Variants in ATP8B1 observed in about 807,000 individuals in gnomAD.
ATP8B1 encodes the protein ATPase phospholipid transporting 8B1.
A neutral mutation model predicts 149.9 loss-of-function variants in ATP8B1; 80 were observed. The observed-to-expected ratio is 0.53, with a 90% CI of 0.45 to 0.64. ATP8B1 has a LOEUF of 0.64. Ranked by LOEUF, ATP8B1 falls within the 30% of genes least tolerant of loss-of-function variation. The pLI, the probability that ATP8B1 is intolerant of heterozygous loss-of-function variation, is 0.00. For synonymous variants in ATP8B1, 536 were observed against 562.8 expected (o/e 0.95, Z 0.67); for missense variants, 1,247 against 1,552.6 (o/e 0.80, Z 3.31).
intron 2 of ATP8B1, among the ~76,000 whole-genome samples, chr18:57,716,360 A>G (rs902244824): frequency 6.6e-6 from 1 of 152,044 alleles, no homozygotes; most frequent in Non-Finnish European, 1.5e-5. Flanking sequence ...TCAATATAAC[A>G]TCGAATGTAA....
chr18:57,656,248 G>A (rs1209291063), intron 22 of ATP8B1, among the ~76,000 whole-genome samples: 3 of 152,086 alleles, frequency 2.0e-5, no homozygotes, highest in African/African-American at 7.2e-5. Flanking sequence ...TGTTTCCTGT[G>A]CTAAACCCTG....
intron 1 of ATP8B1, among the ~76,000 whole-genome samples, chr18:57,738,635 TA>T (rs113950108): frequency 1.8e-3 from 1 of 548 alleles, no homozygotes; most frequent in African/African-American, 3.0e-3. Flanking sequence ...AATAAATAAA[TA>T]AAATAAAATA....
chr18:57,694,626 T>A lies in ATP8B1; in HGVS notation c.985A>T (p.Lys329Ter). 6.3e-7 allele frequency: 1 copy of A among 1,595,646 alleles called. No homozygotes were observed. Among genetic ancestry groups the A allele is most frequent in the Non-Finnish European group, 8.6e-7 (1 of 1,163,336 alleles). ...ATCAAGTAATCAATTTTAGTTCTTT[T>A]AAATCTGGTTTTCCCACTATTCTTC... The part of the protein sequence containing the change: ...IMKNSGKTRF[K>*]RTKIDYLMNY... Residue 329 changes from lysine (K) to a stop codon, truncating the protein, a stop_gained, in exon 11 of 28, where the codon AAA becomes TAA. Transcript: ENST00000648908. LOFTEE classifies it high-confidence loss of function.
rs560380246 is a variant in ATP8B1, at chr18:57,761,688, C to G, written c.-25-29856G>C. ...TAATGGACTAGGCCAGGTACAGTGGCTCACGTCTGTAATCCCAGCACTTTG... is the reference window on the plus strand; with the variant it reads ...TAATGGACTAGGCCAGGTACAGTGGGTCACGTCTGTAATCCCAGCACTTTG... On this transcript the variant is annotated intron_variant, in intron 1 of 27. Transcript: ENST00000648908. Among the ~76,000 whole-genome samples the G allele has an allele frequency of 7.2e-4, 109 of 150,912 alleles. No homozygotes were observed. The Middle Eastern group carries it at 0.01, about 14-fold the overall frequency.
intron 1 of ATP8B1, among the ~76,000 whole-genome samples, chr18:57,752,811 C>T (rs1438117932): frequency 6.6e-6 from 1 of 152,118 alleles, no homozygotes; most frequent in Non-Finnish European, 1.5e-5. Context: ...TCATTTTATT[C>T]TCTGCAATAG....
At chr18:57,711,997 G>T (rs901411084) in intron 2 of ATP8B1, among the ~76,000 whole-genome samples, 8 of 151,350 alleles carry the variant, frequency 5.3e-5, no homozygotes, top group Non-Finnish European at 2.9e-5. Flanking sequence ...TCATTTACAT[G>T]TATTACTGTT....
chr18:57,646,661 CTAAGT>C lies in ATP8B1; in HGVS notation c.*1822_*1826del, dbSNP rs1336102702. ...TCTGAAACTAACAGAATTACACAAGCTAAGTTTTCTGTAAAAAAAGAAAAAACTTA... is the reference window on the plus strand; with the variant it reads ...TCTGAAACTAACAGAATTACACAAGCTTTCTGTAAAAAAAGAAAAAACTTA... On this transcript the variant is annotated 3_prime_UTR_variant, in exon 28 of 28. Coordinates refer to ENST00000648908, the MANE Select transcript of ATP8B1 (RefSeq NM_001374385.1). 2.0e-5 allele frequency: 3 copies of C among 152,504 alleles called. No individual in the cohort carries two copies. The highest frequency in any genetic ancestry group is 6.5e-5 in the Admixed American group (1 of 15,268). The allele number at this position is 152,504 out of a possible 1,614,324, so 9.4% of individuals were successfully genotyped here. A position where few individuals can be genotyped will look rare whatever the true frequency, so the allele number is the denominator to read the frequency against.
At chr18:57,678,015 T>C (rs1449742480) in intron 15 of ATP8B1, among the ~76,000 whole-genome samples, 1 of 152,132 alleles carries the variant, frequency 6.6e-6, no homozygotes, top group Non-Finnish European at 1.5e-5. Flanking sequence ...CTAACAGAGA[T>C]GGGAAGAACG....
chr18:57,711,772 T>C (rs1304357855), intron 2 of ATP8B1, among the ~76,000 whole-genome samples: 2 of 152,016 alleles, frequency 1.3e-5, no homozygotes, highest in Non-Finnish European at 2.9e-5. Context: ...AATTTTTTTG[T>C]AAAGATGAGG....
At chr18:57,670,311 T>C (rs916536356) in intron 17 of ATP8B1, among the ~76,000 whole-genome samples, 2 of 152,140 alleles carry the variant, frequency 1.3e-5, no homozygotes, top group African/African-American at 4.8e-5. Context: ...AATTTTCCCA[T>C]GATGAACGAT....
intron 1 of ATP8B1, among the ~76,000 whole-genome samples, chr18:57,762,051 C>T (rs937366408): frequency 2.0e-5 from 3 of 151,008 alleles, no homozygotes; most frequent in Non-Finnish European, 4.4e-5. Context: ...CCTTAGTGTA[C>T]GCTGTTCACA....
At chr18:57,671,345 C>T in intron 17 of ATP8B1, 123 bp downstream of exon 17, 1 of 867,484 alleles carries the variant, frequency 1.2e-6, no homozygotes, top group Non-Finnish European at 1.9e-6. Flanking sequence ...GCTCTTTCCA[C>T]CCCAACTATT....
intron 1 of ATP8B1, chr18:57,740,745 T>C (rs2079906184): frequency 6.6e-6 from 1 of 152,032 alleles, no homozygotes; most frequent in East Asian, 1.9e-4. Context: ...CAGCTAATTT[T>C]TTTGGTTTTT....
intron 1 of ATP8B1, among the ~76,000 whole-genome samples, chr18:57,739,734 T>G (rs1161667800): frequency 6.6e-6 from 1 of 152,090 alleles, no homozygotes; most frequent in East Asian, 1.9e-4. Context: ...ACAGTTAAGG[T>G]CAGAAGTCAT....
chr18:57,789,481 C>T (rs2080440584), intron 1 of ATP8B1, among the ~76,000 whole-genome samples: 1 of 152,180 alleles, frequency 6.6e-6, no homozygotes, highest in East Asian at 1.9e-4. Context: ...AAATACAGTA[C>T]ATTGAGCACA....
chr18:57,749,612 G>A (rs897836642), intron 1 of ATP8B1, among the ~76,000 whole-genome samples: 21 of 152,200 alleles, frequency 1.4e-4, no homozygotes, highest in East Asian at 1.9e-4. Context: ...AGAACTCTGA[G>A]TTGAGTCAGG....
chr18:57,736,395 C>G (rs529145308), intron 1 of ATP8B1, among the ~76,000 whole-genome samples: 2 of 150,348 alleles, frequency 1.3e-5, no homozygotes, highest in African/African-American at 4.9e-5. Flanking sequence ...AAATCTTTGC[C>G]TAGACCAATG....
chr18:57,679,763 C>T (rs1465772108), intron 15 of ATP8B1, among the ~76,000 whole-genome samples: 1 of 152,106 alleles, frequency 6.6e-6, no homozygotes, highest in African/African-American at 2.4e-5. Flanking sequence ...CTCGCGGGTT[C>T]AAGCAATTCT....
At chr18:57,741,206 G>C (rs2079911014) in intron 1 of ATP8B1, among the ~76,000 whole-genome samples, 1 of 152,174 alleles carries the variant, frequency 6.6e-6, no homozygotes, top group South Asian at 2.1e-4. Flanking sequence ...CAAGTGCTGG[G>C]ATTACAGGCA....
Sources: gnomAD v4.1 joint callset for allele counts (sites outside exome capture counted in the v4.1 genomes callset) on GRCh38, gnomAD v4.1.1 for gene constraint, MANE v1.5 for transcripts, NCBI Gene and HGNC (gene_info 2026-07-23, HGNC 2026-07-21) for gene names.